CACNA2D4: variants seen among roughly 807,000 people sequenced by gnomAD.
CACNA2D4 encodes voltage-dependent calcium channel subunit alpha-2/delta-4.
A neutral mutation model predicts 163.8 loss-of-function variants in CACNA2D4; 157 were observed. That is an observed-to-expected ratio of 0.96 (90% CI 0.84 to 1.09). The LOEUF is 1.09. Among genes scored for constraint, CACNA2D4 ranks in the 50% least tolerant of loss-of-function variants. CACNA2D4 has a pLI of 0.00. For missense variants in CACNA2D4, 1,410 were observed against 1,479.9 expected (o/e 0.95, Z 0.78); for synonymous variants, 598 against 586.9 (o/e 1.02, Z -0.27).
At chr12:1,842,509 G>A (rs1019782348) in intron 25 of CACNA2D4, among the ~76,000 whole-genome samples, 4 of 152,170 alleles carry the variant, frequency 2.6e-5, no homozygotes, top group African/African-American at 4.8e-5. Flanking sequence ...CGCTGAGCGA[G>A]TGAGTGGGCT....
At chr12:1,825,754 T>G (rs10491960) in intron 26 of CACNA2D4, among the ~76,000 whole-genome samples, 71,862 of 152,014 alleles carry the variant, frequency 0.47, 19,377 homozygotes, top group East Asian at 0.81. Flanking sequence ...CACACGTAAG[T>G]ATCTCCCTGA....
chr12:1,845,191 C>T (rs1310225639), intron 24 of CACNA2D4, among the ~76,000 whole-genome samples: 1 of 152,126 alleles, frequency 6.6e-6, no homozygotes, highest in Admixed American at 6.5e-5. Flanking sequence ...TGCCTTGTGA[C>T]ACAGTTCCTG....
intron 14 of CACNA2D4, 143 bp downstream of exon 14, chr12:1,879,661 C>G: frequency 1.4e-6 from 1 of 694,586 alleles, no homozygotes; most frequent in South Asian, 1.6e-5. Flanking sequence ...GGTAGCTACT[C>G]TGGGACAGGC....
chr12:1,843,100 A>G lies in CACNA2D4; in HGVS notation c.2470+1302T>C, dbSNP rs1865065433. ...TATCTCATGGGGTTGTCTAGATTAA[A>G]TGAAAAACACGTGGAAAATTGTTTT... On this transcript the variant is annotated intron_variant, in intron 25 of 37. Transcript: ENST00000382722. This position sits in a 1 kb window ranked among gnomAD's most constrained non-coding sequence, Gnocchi z 4.6. Among the ~76,000 whole-genome samples, 1 of 152,188 alleles carries G rather than the reference A, an allele frequency of 6.6e-6. No homozygotes were observed. Among genetic ancestry groups the G allele is most frequent in the African/African-American group, 2.4e-5 (1 of 41,452 alleles).
At chr12:1,915,238 G>T (rs939410014) in intron 1 of CACNA2D4, 2 of 702,542 alleles carry the variant, frequency 2.8e-6, no homozygotes, top group Non-Finnish European at 5.2e-6. Context: ...GGCCTGGGCA[G>T]GAGACGCGGA....
At chr12:1,858,757 A>G in intron 19 of CACNA2D4, 113 bp from the exon 20 acceptor site, 1 of 700,020 alleles carries the variant, frequency 1.4e-6, no homozygotes, top group Non-Finnish European at 2.3e-6. Context: ...TGTACCCACG[A>G]CGAGTGGTGT....
At position 1,882,894 on chromosome 12, in the gene CACNA2D4, G is replaced by C. The variant is rs931970461; in HGVS notation, c.1458C>G (p.Ile486Met). ...TGCTGTCCATGTAGGCCTCTGTCCA[G>C]ATGATGTCGTGGTCGTGGTTGATGA... ...PMVINHDHDI[I>M]WTEAYMDSKL... The change falls in exon 13 of 38, where the codon ATC becomes ATG. Residue 486 changes from isoleucine (I) to methionine (M), a missense_variant. Transcript: ENST00000382722. The C allele has an allele frequency of 6.2e-7, 1 of 1,613,884 alleles. No individual in the cohort carries two copies. Among genetic ancestry groups the C allele is most frequent in the Non-Finnish European group, 8.5e-7 (1 of 1,179,856 alleles).
At chr12:1,804,794 A>T (rs1863467050) in intron 29 of CACNA2D4, among the ~76,000 whole-genome samples, 1 of 152,250 alleles carries the variant, frequency 6.6e-6, no homozygotes, top group African/African-American at 2.4e-5. Context: ...GAGCCCCTCC[A>T]GCTATGCTGG....
chr12:1,835,659 A>T (rs11061994), intron 26 of CACNA2D4: 1 of 152,588 alleles, frequency 6.6e-6, no homozygotes, highest in Non-Finnish European at 1.5e-5. Context: ...TCCTGTCACC[A>T]TGGTAACCCT....
chr12:1,858,741 G>A, intron 19 of CACNA2D4, 97 bp from the exon 20 acceptor site: 1 of 887,686 alleles, frequency 1.1e-6, no homozygotes. Flanking sequence ...AGGTGTATGG[G>A]CTTTTTGTAC....
chr12:1,885,651 AT>A (rs1234232730), intron 9 of CACNA2D4, among the ~76,000 whole-genome samples: 2 of 152,218 alleles, frequency 1.3e-5, no homozygotes, highest in Non-Finnish European at 2.9e-5. Context: ...GAAAACTGAC[AT>A]AATGGAAAGG....
At chr12:1,896,654 C>CACACAAAA (rs1555186444) in intron 6 of CACNA2D4, among the ~76,000 whole-genome samples, 137 of 124,000 alleles carry the variant, frequency 1.1e-3, no homozygotes, top group African/African-American at 3.9e-3. Flanking sequence ...CACACACACA[C>CACACAAAA]AAAACAGATG....
chr12:1,861,746 C>T (rs1462955247), intron 18 of CACNA2D4, among the ~76,000 whole-genome samples: 1 of 151,312 alleles, frequency 6.6e-6, no homozygotes, highest in Non-Finnish European at 1.5e-5. Context: ...CTCGGCCTAT[C>T]TTTTTTTTTA....
At chr12:1,853,193 G>A (rs151067010) in intron 23 of CACNA2D4, among the ~76,000 whole-genome samples, 55 of 152,180 alleles carry the variant, frequency 3.6e-4, no homozygotes, top group African/African-American at 1.3e-3. Context: ...GATCATAGAT[G>A]TTATCTATAT....
At position 1,878,301 on chromosome 12, in the gene CACNA2D4, A is replaced by C. The variant is rs752144649; in HGVS notation, c.1719+14T>G. 3 of 1,604,874 alleles carry C rather than the reference A, an allele frequency of 1.9e-6. No homozygotes were observed. Among genetic ancestry groups the C allele is most frequent in the Middle Eastern group, 1.6e-4 (1 of 6,074 alleles). On this transcript the variant is annotated intron_variant, in intron 16 of 37. Coordinates refer to ENST00000382722, the MANE Select transcript of CACNA2D4 (RefSeq NM_172364.5). The surrounding 1 kb of genome is among the most constrained non-coding windows in gnomAD (Gnocchi z 4.6). ...TACAGTAAGGATCCCAAGGCAAAGAAGATCTGTACCTACCAGGGGCCGGAG... is the reference window on the plus strand; with the variant it reads ...TACAGTAAGGATCCCAAGGCAAAGACGATCTGTACCTACCAGGGGCCGGAG...
rs1227228162 is a variant in CACNA2D4, at chr12:1,799,484, G to A, written c.2995+191C>T. On this transcript the variant is annotated intron_variant, in intron 34 of 37. Coordinates refer to ENST00000382722, the MANE Select transcript of CACNA2D4 (RefSeq NM_172364.5). This position sits in a 1 kb window ranked among gnomAD's most constrained non-coding sequence, Gnocchi z 4.7. ...TTCTCATTTTCCCTGGGGCCTGACC[G>A]TCCTCATGTGGGATGAGAACTGGGC... is the stretch of plus-strand genomic sequence containing the variant. Among the ~76,000 whole-genome samples the A allele has an allele frequency of 6.6e-6, 1 of 152,144 alleles. No individual in the cohort carries two copies. The highest frequency in any genetic ancestry group is 1.5e-5 in the Non-Finnish European group (1 of 68,026).
chr12:1,828,091 C>A lies in CACNA2D4; in HGVS notation c.2551+12648G>T. ...CCTCCCTCAGGACTGACAGGCGGCG[C>A]ACCCAGGGGCTCCTCTCTCCCCAGA... On this transcript the variant is annotated intron_variant, in intron 26 of 37. Transcript: ENST00000382722. This position sits in a 1 kb window ranked among gnomAD's most constrained non-coding sequence, Gnocchi z 4.2. The A allele has an allele frequency of 1.4e-6, 2 of 1,445,944 alleles. No homozygotes were observed. The highest frequency in any genetic ancestry group is 1.8e-6 in the Non-Finnish European group (2 of 1,090,486). 89.6% of individuals were successfully genotyped at this position (1,445,944 alleles called of 1,614,324 possible).
chr12:1,795,754 T>C lies in CACNA2D4; in HGVS notation c.3140A>G (p.Asn1047Ser), dbSNP rs759157641. ...QKVFVVQQIP[N>S]SNLLLLVTDP... The stretch of plus-strand genomic sequence containing the variant: ...TGTCACCAGGAGGAGGAGGTTACTG[T>C]TGGGAATCTGCTGCACCACAAATAC... The change falls in exon 36 of 38, where the codon AAC becomes AGC. Residue 1047 changes from asparagine (N) to serine (S), a missense_variant. Asn to Ser is a conservative substitution (Grantham distance 46). Transcript: ENST00000382722. The C allele has an allele frequency of 1.9e-6, 3 of 1,612,026 alleles. No individual in the cohort carries two copies. The highest frequency in any genetic ancestry group is 4.5e-5 in the East Asian group (2 of 44,834).
intron 6 of CACNA2D4, among the ~76,000 whole-genome samples, chr12:1,906,823 T>C (rs1866669370): frequency 6.6e-6 from 1 of 152,160 alleles, no homozygotes; most frequent in Admixed American, 6.5e-5. Context: ...CACAGTGGAG[T>C]CCTCTCGGGC....
Sources: allele counts gnomAD v4.1 joint callset (sites outside exome capture counted in the v4.1 genomes callset), GRCh38; gene constraint gnomAD v4.1.1; non-coding constraint Gnocchi (gnomAD v3.1); transcripts MANE v1.5; gene names NCBI Gene and HGNC (gene_info 2026-07-23, HGNC 2026-07-21).